NLGN1: variants seen among roughly 807,000 people sequenced by gnomAD.
The protein encoded by NLGN1 is neuroligin 1, also known as neuroligin-1.
Under a neutral mutation model 65.5 loss-of-function variants are expected in NLGN1, and 12 were observed. That is an observed-to-expected ratio of 0.18 (90% CI 0.12 to 0.30). The LOEUF is 0.30. Among genes scored for constraint, NLGN1 ranks in the 10% least tolerant of loss-of-function variants. NLGN1 has a pLI of 1.00. For synonymous variants in NLGN1, 350 were observed against 359.5 expected, an observed-to-expected ratio of 0.97 and a Z score of 0.30; for missense variants, 750 against 1,007.1, an observed-to-expected ratio of 0.74 and a Z score of 3.46.
chr3:173,850,027 A>G (rs999688815), intron 4 of NLGN1, among the ~76,000 whole-genome samples: 1 of 152,130 alleles, frequency 6.6e-6, no homozygotes, highest in Non-Finnish European at 1.5e-5. Flanking sequence ...TATGAAAGTA[A>G]TATTTGCTGT....
chr3:173,540,300 GCC>G (rs1738629688), intron 2 of NLGN1, among the ~76,000 whole-genome samples: 1 of 152,182 alleles, frequency 6.6e-6, no homozygotes, highest in Non-Finnish European at 1.5e-5. Flanking sequence ...TTGCACAGCT[GCC>G]TGGATCTGCT....
intron 2 of NLGN1, among the ~76,000 whole-genome samples, chr3:173,441,248 A>G (rs944901979): frequency 1.3e-5 from 2 of 152,162 alleles, no homozygotes; most frequent in African/African-American, 4.8e-5. Flanking sequence ...CATATCAGCA[A>G]TAACGCGTTG....
chr3:173,608,893 A>G lies in NLGN1; in HGVS notation c.493+3802A>G, dbSNP rs912437784. On this transcript the variant is annotated intron_variant, in intron 3 of 6. Coordinates refer to ENST00000457714, the Ensembl canonical transcript of NLGN1. ...GCAGCCAATTTCCAAAAATATATTC[A>G]GTAATCATTTAGTGAATACTTTAAA... Among the ~76,000 whole-genome samples the G allele has an allele frequency of 2.6e-5, 4 of 151,978 alleles. 1 individual carries two copies. The South Asian group carries it at 6.2e-4, about 24-fold the overall frequency.
chr3:174,039,224 AATATAT>A (rs1005318404), intron 4 of NLGN1, among the ~76,000 whole-genome samples: 3 of 151,172 alleles, frequency 2.0e-5, no homozygotes, highest in African/African-American at 7.3e-5. Flanking sequence ...CGCAGAACAT[AATATAT>A]ATATATAAAT....
chr3:173,552,710 G>T (rs1173799549), intron 2 of NLGN1, among the ~76,000 whole-genome samples: 1 of 152,090 alleles, frequency 6.6e-6, no homozygotes, highest in Non-Finnish European at 1.5e-5. Flanking sequence ...GCCTGCAAAC[G>T]GCATGAACTT....
intron 2 of NLGN1, among the ~76,000 whole-genome samples, chr3:173,446,479 G>T (rs984755543): frequency 3.3e-5 from 5 of 152,088 alleles, no homozygotes; most frequent in Non-Finnish European, 7.3e-5. Flanking sequence ...TGGGCATTTG[G>T]GTTGGTTCTA....
chr3:173,605,822 C>G (rs1158024383), intron 3 of NLGN1, among the ~76,000 whole-genome samples: 1 of 152,032 alleles, frequency 6.6e-6, no homozygotes, highest in African/African-American at 2.4e-5. Context: ...CTGGTAGCAT[C>G]GGCAAGAGTT....
At chr3:174,128,183 TC>T (rs1561109711) in intron 4 of NLGN1, among the ~76,000 whole-genome samples, 1 of 152,106 alleles carries the variant, frequency 6.6e-6, no homozygotes, top group Non-Finnish European at 1.5e-5. Flanking sequence ...ATTTTGATAG[TC>T]CCCTAAAACA....
At chr3:173,742,062 A>AT (rs746204056) in intron 3 of NLGN1, among the ~76,000 whole-genome samples, 68 of 151,812 alleles carry the variant, frequency 4.5e-4, no homozygotes, top group Non-Finnish European at 4.7e-4. Context: ...GATGTTCTCT[A>AT]TTTTTTTCTG....
intron 4 of NLGN1, among the ~76,000 whole-genome samples, chr3:174,145,523 A>G (rs1411492019): frequency 6.6e-6 from 1 of 151,880 alleles, no homozygotes; most frequent in African/African-American, 2.4e-5. Flanking sequence ...AAAAAAAGAA[A>G]AAGAAAAAAA....
chr3:173,864,163 G>A (rs1729669899), intron 4 of NLGN1, among the ~76,000 whole-genome samples: 1 of 152,138 alleles, frequency 6.6e-6, no homozygotes, highest in African/African-American at 2.4e-5. Flanking sequence ...CATGAAATAT[G>A]ATAATATGCC....
intron 4 of NLGN1, among the ~76,000 whole-genome samples, chr3:173,995,991 G>A (rs913559628): frequency 1.3e-5 from 2 of 152,028 alleles, no homozygotes; most frequent in Admixed American, 6.6e-5. Flanking sequence ...CAACCCTTGT[G>A]TTTTGTTTTT....
chr3:173,537,502 GTGTGTT>G (rs1288840797), intron 2 of NLGN1, among the ~76,000 whole-genome samples: 2 of 151,786 alleles, frequency 1.3e-5, no homozygotes, highest in African/African-American at 4.8e-5. Context: ...GTGTGTGTGT[GTGTGTT>G]TGTGTGTGTG....
intron 4 of NLGN1, among the ~76,000 whole-genome samples, chr3:174,139,517 A>G (rs942627688): frequency 6.6e-6 from 1 of 152,080 alleles, no homozygotes; most frequent in Middle Eastern, 3.4e-3. Flanking sequence ...CCATTCTTCT[A>G]CTGAAGGACA....
intron 4 of NLGN1, among the ~76,000 whole-genome samples, chr3:173,921,160 A>G (rs1741931437): frequency 6.9e-6 from 1 of 144,964 alleles, no homozygotes. Flanking sequence ...CTTAATATAT[A>G]TATGTAATAT....
chr3:173,718,198 A>G (rs756332878), intron 3 of NLGN1, among the ~76,000 whole-genome samples: 1 of 152,034 alleles, frequency 6.6e-6, no homozygotes, highest in East Asian at 1.9e-4. Flanking sequence ...ACAATAAATT[A>G]TTGTTAACTA....
At chr3:174,204,884 G>A (rs1276607831) in intron 4 of NLGN1, among the ~76,000 whole-genome samples, 1 of 151,746 alleles carries the variant, frequency 6.6e-6, no homozygotes, top group African/African-American at 2.4e-5. Context: ...AATCTTTTTG[G>A]ATTACTCATT....
chr3:173,636,428 G>T (rs1756606833), intron 3 of NLGN1, among the ~76,000 whole-genome samples: 2 of 152,154 alleles, frequency 1.3e-5, no homozygotes, highest in Non-Finnish European at 2.9e-5. Flanking sequence ...CACAAGCTGG[G>T]CATCTTCCTC....
At chr3:174,034,566 G>A (rs918269245) in intron 4 of NLGN1, among the ~76,000 whole-genome samples, 4 of 152,072 alleles carry the variant, frequency 2.6e-5, no homozygotes, top group East Asian at 1.9e-4. Flanking sequence ...GGAATACTCC[G>A]TTATAAATCA....
Sources: allele counts gnomAD v4.1 joint callset (sites outside exome capture counted in the v4.1 genomes callset), GRCh38; gene constraint gnomAD v4.1.1; transcripts MANE v1.5; gene names NCBI Gene and HGNC (gene_info 2026-07-23, HGNC 2026-07-21).